The following JAKMIP1 variants were observed in gnomAD, a reference collection of about 807,000 sequenced individuals.
The protein encoded by JAKMIP1 is janus kinase and microtubule interacting protein 1.
In JAKMIP1, 33 loss-of-function variants were observed where a neutral mutation model predicts 113.0. That is an observed-to-expected ratio of 0.29 (90% CI 0.22 to 0.39). The LOEUF (loss-of-function observed/expected upper bound fraction) is 0.39. Ranked by LOEUF, JAKMIP1 falls within the 10% of genes least tolerant of loss-of-function variation. The probability of loss-of-function intolerance (pLI) is 1.00; values close to 1 mark genes in which losing one functional copy is unlikely to be tolerated. For synonymous variants in JAKMIP1, 480 were observed against 459.9 expected, an observed-to-expected ratio of 1.04 and a Z score of -0.56; for missense variants, 813 against 1,080.5, an observed-to-expected ratio of 0.75 and a Z score of 3.47.
rs376510856 is a variant in JAKMIP1 at position 6,100,793 on chromosome 4, T to C, written c.624+4680A>G. Among the ~76,000 whole-genome samples the C allele has an allele frequency of 2.0e-4, 30 of 152,342 alleles. No individual in the cohort carries two copies. In the South Asian group the frequency reaches 4.8e-3, roughly 24 times the overall value. On this transcript the variant is annotated intron_variant, in intron 3 of 20. Coordinates refer to ENST00000409021, the MANE Select transcript of JAKMIP1 (RefSeq NM_001099433.2). ...GTGGATGAGAATTTATATCTAGTTG[T>C]AATTTTACTCTGGTTCCCTGATGAT... is the stretch of plus-strand genomic sequence containing the variant.
rs745835464 is a variant in JAKMIP1, at chr4:6,059,533, C to A, written c.1644+891G>T. ...TCTCTGCAGGCAGGGGTGGGGGCCA[C>A]CAGACACTCCGTCTGCCCACACCCT... On this transcript the variant is annotated intron_variant, in intron 11 of 20. Coordinates refer to ENST00000409021, the MANE Select transcript of JAKMIP1 (RefSeq NM_001099433.2). The surrounding 1 kb of genome is among the most constrained non-coding windows in gnomAD (Gnocchi z 4.8). Among the ~76,000 whole-genome samples the A allele has an allele frequency of 1.3e-5, 2 of 152,082 alleles. No homozygotes were observed. Among genetic ancestry groups the A allele is most frequent in the African/African-American group, 4.8e-5 (2 of 41,408 alleles).
At chr4:6,074,157 C>G (rs1296450853) in intron 8 of JAKMIP1, among the ~76,000 whole-genome samples, 1 of 152,238 alleles carries the variant, frequency 6.6e-6, no homozygotes, top group African/African-American at 2.4e-5. Flanking sequence ...GTTGGATAGG[C>G]CCAGTAAGGC....
At position 6,031,691 on chromosome 4, in the gene JAKMIP1, C is replaced by G. The variant is rs1712685886; in HGVS notation, c.2380-1910G>C. On this transcript the variant is annotated intron_variant, in intron 19 of 20. Coordinates refer to ENST00000409021, the MANE Select transcript of JAKMIP1 (RefSeq NM_001099433.2). The surrounding 1 kb of genome is among the most constrained non-coding windows in gnomAD (Gnocchi z 4.4). ...GGGTTCTAAGCAGGGAAATGATGAG[C>G]TTTTGATTTCAGGATGATCACGGGG... Among the ~76,000 whole-genome samples the G allele has an allele frequency of 6.6e-6, 1 of 152,072 alleles. No individual in the cohort carries two copies.
At chr4:6,182,057 C>T (rs1490839298) in intron 1 of JAKMIP1, among the ~76,000 whole-genome samples, 3 of 151,944 alleles carry the variant, frequency 2.0e-5, no homozygotes, top group Non-Finnish European at 2.9e-5. Context: ...ACATTGAAAC[C>T]CTATGGTGGG....
Position 6,179,931 on chromosome 4 carries a change from A to T in JAKMIP1, c.-148+20322T>A, listed in dbSNP as rs1247351945. On this transcript the variant is annotated intron_variant, in intron 1 of 20. Transcript: ENST00000409021. The surrounding 1 kb of genome is among the most constrained non-coding windows in gnomAD (Gnocchi z 4.5). Reference sequence around the variant, plus strand: ...GAACCCAGGTCTCTCTGAATCTAAGACCAGTTCCCAGCTGCCCAAAGAACT... The same window carrying T: ...GAACCCAGGTCTCTCTGAATCTAAGTCCAGTTCCCAGCTGCCCAAAGAACT... Among the ~76,000 whole-genome samples the T allele has an allele frequency of 6.6e-6, 1 of 152,162 alleles. No individual in the cohort carries two copies. Among genetic ancestry groups the T allele is most frequent in the African/African-American group, 2.4e-5 (1 of 41,428 alleles).
rs1045046934 is a variant in JAKMIP1 at position 6,199,262 on chromosome 4, C to T, written c.-148+991G>A. On this transcript the variant is annotated intron_variant, in intron 1 of 20. Coordinates refer to ENST00000409021, the MANE Select transcript of JAKMIP1 (RefSeq NM_001099433.2). This position sits in a 1 kb window ranked among gnomAD's most constrained non-coding sequence, Gnocchi z 5.6. Reference sequence around the variant, plus strand: ...GAGCCGGGCAGAGGCTGGCGGAGAGCCGAGGCTGGCCCAGCCTTCAGGAGA... The same window carrying T: ...GAGCCGGGCAGAGGCTGGCGGAGAGTCGAGGCTGGCCCAGCCTTCAGGAGA... Among the ~76,000 whole-genome samples the T allele has an allele frequency of 1.3e-5, 2 of 152,230 alleles. No individual in the cohort carries two copies. The highest frequency in any genetic ancestry group is 2.9e-5 in the Non-Finnish European group (2 of 68,036).
chr4:6,170,920 C>G (rs535076141), intron 1 of JAKMIP1, among the ~76,000 whole-genome samples: 1 of 150,286 alleles, frequency 6.7e-6, no homozygotes, highest in South Asian at 2.1e-4. Context: ...CCGCCACCAC[C>G]TTTCTTACCA....
Position 6,192,255 on chromosome 4 carries a change from TCC to T in JAKMIP1, c.-148+7996_-148+7997del, listed in dbSNP as rs1727358622. 6.6e-6 allele frequency among the ~76,000 whole-genome samples: 1 copy of T among 152,088 alleles called. No individual in the cohort carries two copies. Among genetic ancestry groups the T allele is most frequent in the African/African-American group, 2.4e-5 (1 of 41,422 alleles). The stretch of plus-strand genomic sequence containing the variant: ...GCCAGGGTGTATTTTTCACTCACAG[TCC>T]ATCTCAGTCCACAGGAGCCGCATTG... On this transcript the variant is annotated intron_variant, in intron 1 of 20. Transcript: ENST00000409021. The surrounding 1 kb of genome is among the most constrained non-coding windows in gnomAD (Gnocchi z 5.0).
intron 1 of JAKMIP1, among the ~76,000 whole-genome samples, chr4:6,123,712 C>T (rs927387941): frequency 1.3e-5 from 2 of 151,920 alleles, no homozygotes; most frequent in African/African-American, 2.4e-5. Context: ...TCCTAGCTAC[C>T]CAGGAGACTG....
In JAKMIP1 at chr4:6,088,121, C is replaced by T. The variant is rs887633828; in HGVS notation, c.625-2492G>A. 6.6e-6 allele frequency among the ~76,000 whole-genome samples: 1 copy of T among 152,218 alleles called. No individual in the cohort carries two copies. Among genetic ancestry groups the T allele is most frequent in the African/African-American group, 2.4e-5 (1 of 41,456 alleles). On this transcript the variant is annotated intron_variant, in intron 3 of 20. Coordinates refer to ENST00000409021, the MANE Select transcript of JAKMIP1 (RefSeq NM_001099433.2). The surrounding 1 kb of genome is among the most constrained non-coding windows in gnomAD (Gnocchi z 5.5). ...TTAACTCAACACATGCTGAGCTGAG[C>T]GCTATCAGTGGGTGCTGAGAAACAT... is the stretch of plus-strand genomic sequence containing the variant.
rs1726592757 is a variant in JAKMIP1 at position 6,185,764 on chromosome 4, TCA to T, written c.-148+14487_-148+14488del. ...GTGAGGCTGCTGCTGGCCCAGGACC[TCA>T]TTTTGAGAACCACTTCTCAGATCTG... is the stretch of plus-strand genomic sequence containing the variant. On this transcript the variant is annotated intron_variant, in intron 1 of 20. Coordinates refer to ENST00000409021, the MANE Select transcript of JAKMIP1 (RefSeq NM_001099433.2). This position sits in a 1 kb window ranked among gnomAD's most constrained non-coding sequence, Gnocchi z 5.3. Among the ~76,000 whole-genome samples the T allele has an allele frequency of 6.6e-6, 1 of 152,156 alleles. No individual in the cohort carries two copies. The highest frequency in any genetic ancestry group is 1.5e-5 in the Non-Finnish European group (1 of 68,022).
At chr4:6,189,765 A>G (rs922909054) in intron 1 of JAKMIP1, among the ~76,000 whole-genome samples, 2 of 151,628 alleles carry the variant, frequency 1.3e-5, no homozygotes, top group African/African-American at 4.9e-5. Flanking sequence ...CAGCCTGGGG[A>G]TGGAGTTTTC....
intron 2 of JAKMIP1, among the ~76,000 whole-genome samples, chr4:6,111,348 C>T (rs748164434): frequency 6.6e-6 from 1 of 152,234 alleles, no homozygotes. Flanking sequence ...AAGCCTGCAT[C>T]TCCATGCTCT....
intron 1 of JAKMIP1, among the ~76,000 whole-genome samples, chr4:6,190,365 C>G (rs1051985688): frequency 1.3e-5 from 2 of 152,178 alleles, no homozygotes; most frequent in Non-Finnish European, 2.9e-5. Context: ...TCAACAAAAA[C>G]CCCCAATAAA....
rs558651237 is a variant in JAKMIP1 at position 6,164,072 on chromosome 4, G to A, written c.-148+36181C>T. 2.0e-5 allele frequency among the ~76,000 whole-genome samples: 3 copies of A among 152,328 alleles called. No individual in the cohort carries two copies. In the South Asian group the frequency reaches 6.2e-4, roughly 32 times the overall value. On this transcript the variant is annotated intron_variant, in intron 1 of 20. Transcript: ENST00000409021. ...CCAGCTAACATCATTCATGAAGGTG[G>A]CTACACTGAACAACAGATTTTCCAT... is the stretch of plus-strand genomic sequence containing the variant.
chr4:6,108,014 G>T lies in JAKMIP1; in HGVS notation c.130-2047C>A, dbSNP rs942280282. ...CAGGTAGAAAGGGGGTGAGGAACAT[G>T]GAAGGGTGGGCAGAGGCCTGTGCAG... On this transcript the variant is annotated intron_variant, in intron 2 of 20. Coordinates refer to ENST00000409021, the MANE Select transcript of JAKMIP1 (RefSeq NM_001099433.2). The surrounding 1 kb of genome is among the most constrained non-coding windows in gnomAD (Gnocchi z 5.6). Among the ~76,000 whole-genome samples the T allele has an allele frequency of 6.6e-6, 1 of 152,150 alleles. No individual in the cohort carries two copies. Among genetic ancestry groups the T allele is most frequent in the African/African-American group, 2.4e-5 (1 of 41,426 alleles).
intron 19 of JAKMIP1, among the ~76,000 whole-genome samples, chr4:6,035,241 G>A (rs1288132447): frequency 2.0e-5 from 3 of 152,042 alleles, no homozygotes; most frequent in South Asian, 2.1e-4. Flanking sequence ...AGACACATGA[G>A]TTAACCTCCC....
chr4:6,127,974 C>T (rs564478967), intron 1 of JAKMIP1, among the ~76,000 whole-genome samples: 242 of 152,332 alleles, frequency 1.6e-3, no homozygotes, highest in Middle Eastern at 3.4e-3. Flanking sequence ...CCCACCACCC[C>T]CATCTCTGGG....
chr4:6,137,604 C>G lies in JAKMIP1; in HGVS notation c.-147-24607G>C, dbSNP rs1719433027. 6.6e-6 allele frequency among the ~76,000 whole-genome samples: 1 copy of G among 152,248 alleles called. No homozygotes were observed. The highest frequency in any genetic ancestry group is 2.4e-5 in the African/African-American group (1 of 41,462). On this transcript the variant is annotated intron_variant, in intron 1 of 20. Coordinates refer to ENST00000409021, the MANE Select transcript of JAKMIP1 (RefSeq NM_001099433.2). The surrounding 1 kb of genome is among the most constrained non-coding windows in gnomAD (Gnocchi z 4.5). ...CTTTTTCAGCCAATCCACACTCTCT[C>G]CGCACCTGGAGGCAATGACCCCCAC...
Sources: allele counts gnomAD v4.1 joint callset (sites outside exome capture counted in the v4.1 genomes callset), GRCh38; gene constraint gnomAD v4.1.1; non-coding constraint Gnocchi (gnomAD v3.1); transcripts MANE v1.5; gene names NCBI Gene and HGNC (gene_info 2026-07-23, HGNC 2026-07-21).